CDH13: variants seen among roughly 807,000 people sequenced by gnomAD.
The protein encoded by CDH13 is cadherin-13.
Under a neutral mutation model 63.8 loss-of-function variants are expected in CDH13, and 24 were observed. The ratio of observed to expected loss-of-function variants is 0.38; its 90% CI spans 0.27 to 0.53. CDH13 has a LOEUF of 0.53. CDH13 is among the 20% of genes least tolerant of loss of function. The pLI is 0.85. For missense variants in CDH13, 1,049 were observed against 903.1 expected (o/e 1.16, Z -2.07); for synonymous variants, 503 against 355.3 (o/e 1.42, Z -4.67).
chr16:83,080,958 C>T lies in CDH13; in HGVS notation c.367-44427C>T, dbSNP rs541201364. Among the ~76,000 whole-genome samples, 75 of 132,422 alleles carry T rather than the reference C, an allele frequency of 5.7e-4. 1 individual carries two copies. In the Middle Eastern group the frequency reaches 0.019, roughly 34 times the overall value. The allele number at this position is 132,422 out of a possible 152,430, so 86.9% of individuals were successfully genotyped here. On this transcript the variant is annotated intron_variant, in intron 3 of 13. Transcript: ENST00000567109. ...GTGCAATGGTGCAATCTTGGCTCAC[C>T]GCAACCTCTGCCTCCCAGGTTCAAA...
chr16:83,195,129 C>G (rs1482662674), intron 4 of CDH13, among the ~76,000 whole-genome samples: 6 of 152,046 alleles, frequency 3.9e-5, no homozygotes, highest in African/African-American at 1.4e-4. Context: ...TTCTTTGTAG[C>G]TTTATTTACA....
At chr16:83,270,828 C>A (rs760135931) in intron 5 of CDH13, among the ~76,000 whole-genome samples, 3 of 151,988 alleles carry the variant, frequency 2.0e-5, no homozygotes, top group Non-Finnish European at 4.4e-5. Flanking sequence ...TTTGCAGATG[C>A]TGTGTTGCTC....
Position 83,643,613 on chromosome 16 carries a change from A to G in CDH13, c.1102-27177A>G, listed in dbSNP as rs544183699. ...TATTGTTCCCCCTTCAGCTTATGCT[A>G]CCTGCTTTGGGTGATCTTGGCCTTT... On this transcript the variant is annotated intron_variant, in intron 8 of 13. Coordinates refer to ENST00000567109, the MANE Select transcript of CDH13 (RefSeq NM_001257.5). 1.4e-3 allele frequency among the ~76,000 whole-genome samples: 211 copies of G among 152,144 alleles called. 1 individual carries two copies. The highest frequency in any genetic ancestry group is 4.4e-3 in the African/African-American group (182 of 41,514).
At chr16:82,746,039 G>A (rs889969328) in intron 1 of CDH13, among the ~76,000 whole-genome samples, 5 of 151,836 alleles carry the variant, frequency 3.3e-5, no homozygotes, top group African/African-American at 4.8e-5. Flanking sequence ...TAGTCATAAC[G>A]TTTTAAAAAC....
intron 2 of CDH13, among the ~76,000 whole-genome samples, chr16:83,004,643 G>A (rs886866906): frequency 8.5e-5 from 13 of 152,090 alleles, no homozygotes; most frequent in Non-Finnish European, 1.8e-4. Flanking sequence ...GACTACAGGT[G>A]CCCGCCACCA....
chr16:83,147,486 TGG>T (rs1257296385), intron 4 of CDH13, among the ~76,000 whole-genome samples: 1 of 152,244 alleles, frequency 6.6e-6, no homozygotes, highest in Non-Finnish European at 1.5e-5. Context: ...ATTTCTGATC[TGG>T]TGCCTTATCC....
chr16:83,018,491 A>T (rs1209107098), intron 2 of CDH13, among the ~76,000 whole-genome samples: 1 of 152,204 alleles, frequency 6.6e-6, no homozygotes, highest in Non-Finnish European at 1.5e-5. Context: ...CTTCCACAAT[A>T]TTCCTGATGA....
chr16:83,017,625 A>G (rs1221897671), intron 2 of CDH13, among the ~76,000 whole-genome samples: 2 of 152,238 alleles, frequency 1.3e-5, no homozygotes, highest in Non-Finnish European at 1.5e-5. Flanking sequence ...CCACGGACTG[A>G]CATATAGAAA....
At chr16:83,059,990 T>A (rs1333862885) in intron 3 of CDH13, among the ~76,000 whole-genome samples, 1 of 151,820 alleles carries the variant, frequency 6.6e-6, no homozygotes, top group Non-Finnish European at 1.5e-5. Flanking sequence ...GAGACGGGGT[T>A]TCACCGTGTT....
chr16:83,717,671 G>A lies in CDH13; in HGVS notation c.1539-30437G>A, dbSNP rs140476521. ...CTCAATTTCCTTACCTGTAAGTGGC[G>A]ACGATAATTCCTTCCTCCAGGACTA... is the stretch of plus-strand genomic sequence containing the variant. On this transcript the variant is annotated intron_variant, in intron 10 of 13. Transcript: ENST00000567109. The A allele has an allele frequency of 2.0e-4, 31 of 152,524 alleles. No homozygotes were observed. In the East Asian group the frequency reaches 3.5e-3, roughly 17 times the overall value. The allele number at this position is 152,524 out of a possible 1,614,324, so 9.4% of individuals were successfully genotyped here. A position where few individuals can be genotyped will look rare whatever the true frequency, so the allele number is the denominator to read the frequency against.
chr16:83,485,110 C>A (rs754384825), intron 6 of CDH13, among the ~76,000 whole-genome samples: 2 of 152,194 alleles, frequency 1.3e-5, no homozygotes, highest in African/African-American at 4.8e-5. Context: ...TAAGCTGCTG[C>A]AAAATATCTC....
chr16:83,151,387 T>C (rs1420628794), intron 4 of CDH13, among the ~76,000 whole-genome samples: 1 of 152,198 alleles, frequency 6.6e-6, no homozygotes, highest in African/African-American at 2.4e-5. Context: ...TCCCATCGTT[T>C]CCAACCAACT....
chr16:83,143,533 C>G (rs760056971), intron 4 of CDH13, among the ~76,000 whole-genome samples: 1 of 152,128 alleles, frequency 6.6e-6, no homozygotes, highest in African/African-American at 2.4e-5. Context: ...ATGTGAACTA[C>G]TTGGATAGCA....
intron 1 of CDH13, among the ~76,000 whole-genome samples, chr16:82,665,379 C>G (rs554191479): frequency 6.6e-6 from 1 of 152,006 alleles, no homozygotes; most frequent in African/African-American, 2.4e-5. Flanking sequence ...ATCTTTAAAC[C>G]GAGGCGCACG....
At chr16:83,075,380 G>T (rs371360169) in intron 3 of CDH13, among the ~76,000 whole-genome samples, 1 of 152,170 alleles carries the variant, frequency 6.6e-6, no homozygotes, top group African/African-American at 2.4e-5. Context: ...CCCTGTTAGC[G>T]CTAGTTACAT....
At chr16:83,362,486 G>A (rs1205085004) in intron 6 of CDH13, among the ~76,000 whole-genome samples, 1 of 152,194 alleles carries the variant, frequency 6.6e-6, no homozygotes. Context: ...TGCTCCTTCA[G>A]CAAGCCATCA....
At chr16:83,182,100 C>T (rs2038366776) in intron 4 of CDH13, among the ~76,000 whole-genome samples, 1 of 152,188 alleles carries the variant, frequency 6.6e-6, no homozygotes, top group Non-Finnish European at 1.5e-5. Context: ...ATACCAGCTA[C>T]ATCCTAACAA....
chr16:83,704,908 G>T (rs1441566238), intron 10 of CDH13, among the ~76,000 whole-genome samples: 1 of 152,220 alleles, frequency 6.6e-6, no homozygotes, highest in Non-Finnish European at 1.5e-5. Flanking sequence ...GCAGAGGCCA[G>T]TGCTCCCTGG....
At chr16:82,673,203 T>C (rs1213203747) in intron 1 of CDH13, among the ~76,000 whole-genome samples, 1 of 151,954 alleles carries the variant, frequency 6.6e-6, no homozygotes, top group Non-Finnish European at 1.5e-5. Context: ...CGGGTAGGAA[T>C]TTGGTAGATG....
Sources: allele counts gnomAD v4.1 joint callset (sites outside exome capture counted in the v4.1 genomes callset), GRCh38; gene constraint gnomAD v4.1.1; transcripts MANE v1.5; gene names NCBI Gene and HGNC (gene_info 2026-07-23, HGNC 2026-07-21).